The following MYZAP variants were observed in gnomAD, a reference collection of about 807,000 sequenced individuals.
MYZAP encodes the protein GRINL1A complex locus upstream.
A neutral mutation model predicts 69.4 loss-of-function variants in MYZAP; 66 were observed. That is an observed-to-expected ratio of 0.95 (90% CI 0.78 to 1.17). The LOEUF is 1.17. Ranked by LOEUF, MYZAP falls within the 50% of genes most tolerant of loss-of-function variation. The pLI is 0.00. For missense variants in MYZAP, 611 were observed against 556.2 expected, an observed-to-expected ratio of 1.10 and a Z score of -0.99; for synonymous variants, 256 against 205.9, an observed-to-expected ratio of 1.24 and a Z score of -2.09.
At chr15:57,599,706 A>G (rs2034294169) in intron 1 of MYZAP, 1 of 1,288,964 alleles carries the variant, frequency 7.8e-7, no homozygotes, top group Non-Finnish European at 1.0e-6. Flanking sequence ...GCTCGGAGGT[A>G]AGGAATGCTG....
intron 2 of MYZAP, 81 bp from the exon 3 acceptor site, chr15:57,617,952 T>C (rs2035577001): frequency 1.3e-6 from 2 of 1,512,668 alleles, no homozygotes; most frequent in Middle Eastern, 1.9e-4. Context: ...TGCATAATCA[T>C]ACACAGTGGG....
At chr15:57,664,136 A>T (rs939669531) in intron 11 of MYZAP, among the ~76,000 whole-genome samples, 11 of 151,742 alleles carry the variant, frequency 7.2e-5, no homozygotes, top group African/African-American at 2.7e-4. Flanking sequence ...CTTAGGGCTA[A>T]CATCATTTTG....
chr15:57,654,498 G>A (rs1404189721), intron 10 of MYZAP, among the ~76,000 whole-genome samples: 1 of 152,082 alleles, frequency 6.6e-6, no homozygotes, highest in Admixed American at 6.5e-5. Context: ...TTTGCCAGCT[G>A]GTGAAAGAAA....
chr15:57,619,622 G>T (rs900146308), intron 3 of MYZAP, among the ~76,000 whole-genome samples: 3 of 152,192 alleles, frequency 2.0e-5, no homozygotes, highest in Admixed American at 6.5e-5. Context: ...AAAGTTCTGG[G>T]ATTACAGGTG....
chr15:57,647,544 G>A (rs180683329), intron 10 of MYZAP: 4 of 985,428 alleles, frequency 4.1e-6, no homozygotes, highest in Admixed American at 1.2e-4. Context: ...GAGAAAACAG[G>A]TCACCCATGT....
chr15:57,635,075 T>C (rs956687825), intron 8 of MYZAP, among the ~76,000 whole-genome samples: 3 of 152,178 alleles, frequency 2.0e-5, no homozygotes, highest in African/African-American at 7.2e-5. Flanking sequence ...GATGCCGTCA[T>C]ACAGAGAAAC....
At chr15:57,627,014 C>CA (rs112251791) in intron 5 of MYZAP, among the ~76,000 whole-genome samples, 22,802 of 152,140 alleles carry the variant, frequency 0.15, 1,830 homozygotes, top group South Asian at 0.2. Context: ...CTCCTGTGGT[C>CA]GGGGGGGCTT....
In MYZAP at chr15:57,683,781, G is replaced by A. The variant is rs185859975; in HGVS notation, c.1305-621G>A. On this transcript the variant is annotated intron_variant, in intron 12 of 12. Coordinates refer to ENST00000267853, the MANE Select transcript of MYZAP (RefSeq NM_001018100.5). ...CTCACATAGCAGAAGGGATGATGATGAATATTTCTGGGGCCTCTCTTTTTT... is the reference window on the plus strand; with the variant it reads ...CTCACATAGCAGAAGGGATGATGATAAATATTTCTGGGGCCTCTCTTTTTT... 1.2e-4 allele frequency among the ~76,000 whole-genome samples: 19 copies of A among 152,062 alleles called. No individual in the cohort carries two copies. The South Asian group carries it at 2.1e-3, about 17-fold the overall frequency.
chr15:57,615,872 A>G (rs771142943), intron 2 of MYZAP, among the ~76,000 whole-genome samples: 1 of 152,218 alleles, frequency 6.6e-6, no homozygotes, highest in Non-Finnish European at 1.5e-5. Flanking sequence ...CTTGCATCCC[A>G]TCTCTTCCCA....
At chr15:57,650,384 G>A (rs1285090649) in intron 10 of MYZAP, among the ~76,000 whole-genome samples, 2 of 152,156 alleles carry the variant, frequency 1.3e-5, no homozygotes, top group Non-Finnish European at 2.9e-5. Flanking sequence ...TGCAAAAATG[G>A]ACATGAGTTC....
At chr15:57,623,512 C>A (rs2035942243) in intron 4 of MYZAP, among the ~76,000 whole-genome samples, 1 of 152,098 alleles carries the variant, frequency 6.6e-6, no homozygotes. Flanking sequence ...GCAGGTGGAT[C>A]ATTTGAGGTC....
At chr15:57,652,272 C>A (rs934099341) in intron 10 of MYZAP, among the ~76,000 whole-genome samples, 1 of 152,154 alleles carries the variant, frequency 6.6e-6, no homozygotes, top group African/African-American at 2.4e-5. Context: ...TACTCCCCCC[C>A]AAATGAGATA....
chr15:57,679,743 A>T (rs1030003849), intron 12 of MYZAP, among the ~76,000 whole-genome samples: 10 of 152,082 alleles, frequency 6.6e-5, no homozygotes, highest in Non-Finnish European at 1.3e-4. Flanking sequence ...CAAAGATTAC[A>T]TCAAGTCTCA....
chr15:57,608,380 C>G (rs1294726099), intron 2 of MYZAP, among the ~76,000 whole-genome samples: 1 of 152,200 alleles, frequency 6.6e-6, no homozygotes, highest in Non-Finnish European at 1.5e-5. Flanking sequence ...TTGCCCATTT[C>G]CACAAAGGTG....
rs61201214 is a variant in MYZAP at position 57,621,205 on chromosome 15, C to CTTTTTTTTT, written c.319-395_319-387dup. 3.5e-3 allele frequency among the ~76,000 whole-genome samples: 449 copies of CTTTTTTTTT among 127,202 alleles called. 2 individuals carry two copies. Among genetic ancestry groups the CTTTTTTTTT allele is most frequent in the Non-Finnish European group, 4.6e-3 (285 of 61,938 alleles). The allele number at this position is 127,202 out of a possible 152,430, so 83.4% of individuals were successfully genotyped here. ...TTATGTGGGGTCCTTCTTTCTTTTT[C>CTTTTTTTTT]TTTTTTTTTTTTTTTTGTTTTTTGA... On this transcript the variant is annotated intron_variant, in intron 3 of 12. Coordinates refer to ENST00000267853, the MANE Select transcript of MYZAP (RefSeq NM_001018100.5).
chr15:57,620,708 T>G (rs1030710142), intron 3 of MYZAP, among the ~76,000 whole-genome samples: 1 of 152,240 alleles, frequency 6.6e-6, no homozygotes, highest in Non-Finnish European at 1.5e-5. Context: ...GGTTCATATT[T>G]TACTTCCTTC....
chr15:57,597,963 G>T (rs1453538315), intron 1 of MYZAP, among the ~76,000 whole-genome samples: 1 of 152,198 alleles, frequency 6.6e-6, no homozygotes, highest in Non-Finnish European at 1.5e-5. Context: ...GCTGGGCAGG[G>T]ACCCACAGTC....
chr15:57,684,501 A>C lies in MYZAP; in HGVS notation c.*3A>C. On this transcript the variant is annotated 3_prime_UTR_variant, in exon 13 of 13. Transcript: ENST00000267853. ...CCATGAAGAAAACTCTGACTTAGGCACTCAGAGGCATACACTTTTTACAGA... is the reference window on the plus strand; with the variant it reads ...CCATGAAGAAAACTCTGACTTAGGCCCTCAGAGGCATACACTTTTTACAGA... 6.3e-7 allele frequency: 1 copy of C among 1,579,824 alleles called. No individual in the cohort carries two copies. The highest frequency in any genetic ancestry group is 8.7e-7 in the Non-Finnish European group (1 of 1,151,902).
chr15:57,674,790 T>C (rs2039033994), intron 11 of MYZAP, among the ~76,000 whole-genome samples, 178 bp from the exon 12 acceptor site: 1 of 152,270 alleles, frequency 6.6e-6, no homozygotes, highest in East Asian at 1.9e-4. Context: ...AAGCCATTTG[T>C]ATGCATTCAG....
Sources: gnomAD v4.1 joint callset for allele counts (sites outside exome capture counted in the v4.1 genomes callset) on GRCh38, gnomAD v4.1.1 for gene constraint, MANE v1.5 for transcripts, NCBI Gene and HGNC (gene_info 2026-07-23, HGNC 2026-07-21) for gene names.